The following CD8A variants were observed in gnomAD, a reference collection of about 807,000 sequenced individuals.
The protein encoded by CD8A is CD8 subunit alpha.
In CD8A, 25 loss-of-function variants were observed where a neutral mutation model predicts 24.2. The ratio of observed to expected loss-of-function variants is 1.03; its 90% CI spans 0.75 to 1.44. The LOEUF (loss-of-function observed/expected upper bound fraction) is 1.44, where lower values mean the gene tolerates loss of function less well. Ranked by LOEUF, CD8A falls within the 40% of genes most tolerant of loss-of-function variation. The probability of loss-of-function intolerance (pLI) is 0.00; values close to 1 mark genes in which losing one functional copy is unlikely to be tolerated. For missense variants in CD8A, 360 were observed against 319.7 expected (o/e 1.13, Z -0.96); for synonymous variants, 165 against 149.9 (o/e 1.10, Z -0.74).
chr2:86,789,608 C>A, intron 3 of CD8A, 32 bp downstream of exon 3: 3 of 1,436,896 alleles, frequency 2.1e-6, no homozygotes, highest in South Asian at 1.3e-5. Flanking sequence ...GCGGTGCGTG[C>A]CGCCCCCGCC....
chr2:86,805,106 AT>A (rs879919889), intron 2 of CD8A, among the ~76,000 whole-genome samples: 13 of 148,154 alleles, frequency 8.8e-5, no homozygotes, highest in South Asian at 2.1e-4. Context: ...CCTGGCCTAA[AT>A]TTTTTTTTTT....
At chr2:86,789,293 T>C (rs1673160398) in intron 4 of CD8A, 30 bp downstream of exon 4, 8 of 1,425,672 alleles carry the variant, frequency 5.6e-6, no homozygotes, top group Non-Finnish European at 6.0e-6. Context: ...CGGGGCCGAC[T>C]CCTTCCCGCC....
chr2:86,786,004 CA>C, intron 5 of CD8A, 33 bp from the exon 6 acceptor site: 1 of 1,580,606 alleles, frequency 6.3e-7, no homozygotes, highest in Non-Finnish European at 8.7e-7. Flanking sequence ...TCATTGTAGC[CA>C]GAACCCCGCC....
At chr2:86,798,826 T>A (rs530803813) in intron 3 of CD8A, among the ~76,000 whole-genome samples, 1 of 152,202 alleles carries the variant, frequency 6.6e-6, no homozygotes, top group Non-Finnish European at 1.5e-5. Context: ...CCAGCCTGCA[T>A]AATGTATCTT....
chr2:86,797,916 CT>C (rs1484589358), intron 3 of CD8A, among the ~76,000 whole-genome samples: 1 of 152,120 alleles, frequency 6.6e-6, no homozygotes, highest in Non-Finnish European at 1.5e-5. Context: ...AATTTTTAAT[CT>C]GTTAACCTTT....
chr2:86,791,835 C>G (rs943814996), upstream of CD8A: 9 of 361,178 alleles, frequency 2.5e-5, no homozygotes, highest in Non-Finnish European at 4.4e-5. Context: ...CTTGCACTTG[C>G]GGTCCCTCGG....
chr2:86,788,446 G>T lies in CD8A; in HGVS notation c.656+84C>A, dbSNP rs554579387. The T allele has an allele frequency of 3.3e-5, 37 of 1,118,876 alleles. No individual in the cohort carries two copies. The African/African-American group carries it at 4.7e-4, about 14-fold the overall frequency. 69.3% of individuals were successfully genotyped at this position (1,118,876 alleles called of 1,614,324 possible). On this transcript the variant is annotated intron_variant, in intron 5 of 5. Transcript: ENST00000283635. ...CGGCCATGACCTCTCTCTGGGAAAA[G>T]TTCCCACTATTTGCTGCTGGGGAAA...
intron 2 of CD8A, 52 bp downstream of exon 2, chr2:86,790,276 G>T: frequency 7.6e-7 from 1 of 1,319,638 alleles, no homozygotes; most frequent in South Asian, 1.2e-5. Context: ...AAAACAGGTT[G>T]AGGTGAACCC....
chr2:86,795,096 A>G (rs1329134247), upstream of CD8A, among the ~76,000 whole-genome samples: 6 of 152,146 alleles, frequency 3.9e-5, no homozygotes, highest in Admixed American at 3.3e-4. Context: ...ACTGGAGCAC[A>G]ATGGTTTGTT....
intron 2 of CD8A, among the ~76,000 whole-genome samples, chr2:86,802,324 C>T (rs1673700112): frequency 6.6e-6 from 1 of 152,152 alleles, no homozygotes; most frequent in Non-Finnish European, 1.5e-5. Flanking sequence ...AGGTGTGAGC[C>T]ACCATGCCTG....
intron 2 of CD8A, among the ~76,000 whole-genome samples, chr2:86,806,793 T>C (rs980968499): frequency 6.6e-6 from 1 of 152,154 alleles, no homozygotes; most frequent in Admixed American, 6.5e-5. Context: ...TTGCAAAACA[T>C]GGGAGTGAAA....
chr2:86,793,099 AT>A (rs1231861991), upstream of CD8A, among the ~76,000 whole-genome samples: 2 of 152,226 alleles, frequency 1.3e-5, no homozygotes, highest in African/African-American at 4.8e-5. Flanking sequence ...TCTTAGACAC[AT>A]GGGATTGTAT....
intron 2 of CD8A, chr2:86,807,368 T>C (rs1673944512): frequency 1.3e-5 from 2 of 152,274 alleles, no homozygotes; most frequent in African/African-American, 2.4e-5. Flanking sequence ...AAAAATTCAT[T>C]TGGGAATGTT....
chr2:86,788,254 T>TTC (rs1247845389), intron 5 of CD8A, among the ~76,000 whole-genome samples: 1 of 150,418 alleles, frequency 6.6e-6, no homozygotes, highest in Non-Finnish European at 1.5e-5. Context: ...GGTTTTTTTT[T>TTC]TTTTTTTTTG....
At chr2:86,804,124 G>C (rs1258217509) in intron 2 of CD8A, among the ~76,000 whole-genome samples, 1 of 152,122 alleles carries the variant, frequency 6.6e-6, no homozygotes, top group Non-Finnish European at 1.5e-5. Flanking sequence ...TTTCACTATA[G>C]TATCCATTCT....
upstream of CD8A, among the ~76,000 whole-genome samples, chr2:86,792,457 G>C (rs1201868120): frequency 6.6e-6 from 1 of 152,144 alleles, no homozygotes; most frequent in African/African-American, 2.4e-5. Flanking sequence ...TCCTTGTGAA[G>C]TACAAACTTA....
At position 86,789,700 on chromosome 2, in the gene CD8A, T is replaced by A; in HGVS notation, c.454A>T (p.Ile152Phe). 1 of 1,400,312 alleles carries A rather than the reference T, an allele frequency of 7.1e-7. No homozygotes were observed. Among genetic ancestry groups the A allele is most frequent in the Non-Finnish European group, 9.2e-7 (1 of 1,083,796 alleles). 86.7% of individuals were successfully genotyped at this position (1,400,312 alleles called of 1,614,324 possible). ...CGCAGGGACAGGGGCTGCGACGCGA[T>A]GGTGGGCGCCGGTGTTGGTGGTCGC... is the stretch of plus-strand genomic sequence containing the variant. Reference protein sequence around the residue: ...APRPPTPAPTIASQPLSLRPE... With the variant: ...APRPPTPAPTFASQPLSLRPE... The change falls in exon 3 of 6, where the codon ATC (isoleucine) becomes TTC (phenylalanine). Residue 152 changes from isoleucine (I) to phenylalanine (F), a missense_variant. By Grantham distance (21) the Ile-to-Phe change is conservative (BLOSUM62 0). Coordinates refer to ENST00000283635, the MANE Select transcript of CD8A (RefSeq NM_001768.7).
At chr2:86,806,756 G>T (rs1673916479) in intron 2 of CD8A, among the ~76,000 whole-genome samples, 1 of 152,180 alleles carries the variant, frequency 6.6e-6, no homozygotes, top group Admixed American at 6.5e-5. Context: ...GTCACACGGG[G>T]AGCTTGCCCC....
chr2:86,797,895 G>A (rs1673533884), intron 3 of CD8A, among the ~76,000 whole-genome samples: 1 of 152,176 alleles, frequency 6.6e-6, no homozygotes, highest in South Asian at 2.1e-4. Flanking sequence ...CAGAAAGATG[G>A]TAAGTTTTTT....
Sources: gnomAD v4.1 joint callset for allele counts (sites outside exome capture counted in the v4.1 genomes callset) on GRCh38, gnomAD v4.1.1 for gene constraint, MANE v1.5 for transcripts, NCBI Gene and HGNC (gene_info 2026-07-23, HGNC 2026-07-21) for gene names.